The following CCSER1 variants were observed in gnomAD, a reference collection of about 807,000 sequenced individuals.
The protein encoded by CCSER1 is coiled-coil serine rich protein 1.
CCSER1 carries 41 observed loss-of-function variants against 82.0 expected under a neutral mutation model. The ratio of observed to expected loss-of-function variants is 0.50; its 90% CI spans 0.39 to 0.65. CCSER1 has a LOEUF of 0.65. CCSER1 is among the 30% of genes least tolerant of loss of function. CCSER1 has a pLI of 0.00. For synonymous variants in CCSER1, 414 were observed against 383.9 expected, an observed-to-expected ratio of 1.08 and a Z score of -0.92; for missense variants, 1,119 against 1,064.2, an observed-to-expected ratio of 1.05 and a Z score of -0.72.
At chr4:91,129,470 T>TG (rs11386149) in intron 10 of CCSER1, among the ~76,000 whole-genome samples, 76,081 of 151,658 alleles carry the variant, frequency 0.5, 19,345 homozygotes, top group East Asian at 0.68. Context: ...TATTTAACTA[T>TG]GAAATAGGAT....
intron 1 of CCSER1, among the ~76,000 whole-genome samples, chr4:90,132,201 G>A (rs529653008): frequency 1.3e-5 from 2 of 152,260 alleles, no homozygotes; most frequent in South Asian, 2.1e-4. Flanking sequence ...GTACAAACTA[G>A]CCTATCTGTT....
intron 7 of CCSER1, among the ~76,000 whole-genome samples, chr4:90,792,563 G>T (rs1242947165): frequency 1.3e-5 from 2 of 152,196 alleles, no homozygotes; most frequent in African/African-American, 4.8e-5. Flanking sequence ...CAAAGCCCTT[G>T]TCAGCACTGT....
intron 1 of CCSER1, among the ~76,000 whole-genome samples, chr4:90,171,144 A>G (rs1731588024): frequency 1.3e-5 from 2 of 151,642 alleles, no homozygotes; most frequent in Non-Finnish European, 3.0e-5. Flanking sequence ...CCCAAAAATT[A>G]AAAATTAAAA....
chr4:91,343,359 C>T (rs558432426), intron 10 of CCSER1, among the ~76,000 whole-genome samples: 1 of 152,176 alleles, frequency 6.6e-6, no homozygotes, highest in African/African-American at 2.4e-5. Context: ...TCTGCTTTAG[C>T]TACATGTTTT....
intron 9 of CCSER1, among the ~76,000 whole-genome samples, chr4:90,928,413 TC>T (rs1456491490): frequency 1.3e-5 from 2 of 152,050 alleles, no homozygotes; most frequent in African/African-American, 4.8e-5. Context: ...TATGACTAAG[TC>T]CCCTCTAGCA....
chr4:90,361,360 C>T (rs557524485), intron 3 of CCSER1, among the ~76,000 whole-genome samples: 44 of 152,322 alleles, frequency 2.9e-4, no homozygotes, highest in African/African-American at 8.9e-4. Flanking sequence ...ATTTGTTTTA[C>T]AATATCTAAC....
At chr4:90,545,533 G>A (rs77322129) in intron 5 of CCSER1, among the ~76,000 whole-genome samples, 1,885 of 152,098 alleles carry the variant, frequency 0.012, 47 homozygotes, top group African/African-American at 0.044. Context: ...GAAAGGAGAG[G>A]ACAGGTACTC....
chr4:90,290,767 G>A (rs1903575), intron 1 of CCSER1, among the ~76,000 whole-genome samples: 20,536 of 151,844 alleles, frequency 0.14, 1,628 homozygotes, highest in East Asian at 0.3. Context: ...TTACCTAACA[G>A]TGGATCTGTC....
chr4:90,431,549 A>G (rs1001016535), intron 4 of CCSER1, among the ~76,000 whole-genome samples: 29 of 152,212 alleles, frequency 1.9e-4, no homozygotes, highest in Non-Finnish European at 5.9e-5. Flanking sequence ...ATTGTTTTAA[A>G]ACCCAGCAAT....
intron 9 of CCSER1, among the ~76,000 whole-genome samples, chr4:90,964,525 A>C (rs1734352866): frequency 1.3e-5 from 2 of 151,670 alleles, no homozygotes; most frequent in Admixed American, 6.6e-5. Context: ...GGAGATCGGG[A>C]CCATCCTGAC....
At chr4:90,774,141 A>G (rs1752597513) in intron 7 of CCSER1, among the ~76,000 whole-genome samples, 1 of 152,192 alleles carries the variant, frequency 6.6e-6, no homozygotes, top group South Asian at 2.1e-4. Context: ...TAATTACAAA[A>G]TAACTATAAG....
At chr4:90,436,955 C>T (rs960841222) in intron 4 of CCSER1, among the ~76,000 whole-genome samples, 8 of 151,740 alleles carry the variant, frequency 5.3e-5, no homozygotes, top group South Asian at 4.2e-4. Flanking sequence ...TACAGCCTCC[C>T]GAGTGCTGGC....
chr4:91,504,207 G>A (rs566680805), intron 10 of CCSER1, among the ~76,000 whole-genome samples: 1 of 152,172 alleles, frequency 6.6e-6, no homozygotes, highest in African/African-American at 2.4e-5. Flanking sequence ...GATGATACAT[G>A]ATTTATTTTT....
chr4:90,196,896 C>T (rs959597266), intron 1 of CCSER1, among the ~76,000 whole-genome samples: 2 of 151,998 alleles, frequency 1.3e-5, no homozygotes, highest in Non-Finnish European at 2.9e-5. Flanking sequence ...ATACATCAAG[C>T]CATCAGTTTT....
chr4:90,339,836 G>A (rs148565966), intron 3 of CCSER1, among the ~76,000 whole-genome samples: 126 of 151,476 alleles, frequency 8.3e-4, no homozygotes, highest in African/African-American at 2.8e-3. Flanking sequence ...ATATATGTTT[G>A]CTTACTTATT....
intron 6 of CCSER1, among the ~76,000 whole-genome samples, chr4:90,698,640 G>C (rs546534155): frequency 6.6e-6 from 1 of 152,114 alleles, no homozygotes; most frequent in African/African-American, 2.4e-5. Flanking sequence ...GTAATGTATT[G>C]AACCTGAATT....
chr4:90,302,919 A>C (rs1471051325), intron 1 of CCSER1, among the ~76,000 whole-genome samples: 1 of 152,158 alleles, frequency 6.6e-6, no homozygotes, highest in Non-Finnish European at 1.5e-5. Flanking sequence ...CGAGAGGACT[A>C]ATGAATCTGG....
chr4:90,404,483 A>C (rs1225972709), intron 4 of CCSER1, among the ~76,000 whole-genome samples: 10 of 152,176 alleles, frequency 6.6e-5, no homozygotes, highest in Non-Finnish European at 1.2e-4. Context: ...CCCTAGGGCA[A>C]GTTTGCATCC....
chr4:91,430,315 AAC>A (rs1264075745), intron 10 of CCSER1, among the ~76,000 whole-genome samples: 1 of 152,214 alleles, frequency 6.6e-6, no homozygotes, highest in Non-Finnish European at 1.5e-5. Context: ...ATATTGTAAA[AAC>A]AGTTTTTATT....
Sources: gnomAD v4.1 joint callset for allele counts (sites outside exome capture counted in the v4.1 genomes callset) on GRCh38, gnomAD v4.1.1 for gene constraint, MANE v1.5 for transcripts, NCBI Gene and HGNC (gene_info 2026-07-23, HGNC 2026-07-21) for gene names.